Variants in SYT13 observed in about 807,000 individuals in gnomAD.
SYT13 encodes synaptotagmin-13.
SYT13 carries 21 observed loss-of-function variants against 38.6 expected under a neutral mutation model. The ratio of observed to expected loss-of-function variants is 0.54; its 90% CI spans 0.39 to 0.78. The LOEUF (loss-of-function observed/expected upper bound fraction) is 0.78. Ranked by LOEUF, SYT13 falls within the 30% of genes least tolerant of loss-of-function variation. The pLI is 0.00. For missense variants in SYT13, 495 were observed against 548.7 expected (o/e 0.90, Z 0.98); for synonymous variants, 241 against 237.6 (o/e 1.01, Z -0.13).
chr11:45,258,788 G>T (rs748964880), intron 1 of SYT13, among the ~76,000 whole-genome samples: 1 of 152,144 alleles, frequency 6.6e-6, no homozygotes, highest in Non-Finnish European at 1.5e-5. Context: ...GCTTGGGGGA[G>T]TAAAAGTCTG....
chr11:45,252,611 G>T lies in SYT13; in HGVS notation c.656C>A (p.Thr219Asn). 1.2e-6 allele frequency: 2 copies of T among 1,614,162 alleles called. No homozygotes were observed. Among genetic ancestry groups the T allele is most frequent in the Non-Finnish European group, 1.7e-6 (2 of 1,180,008 alleles). Residue 219 changes from threonine to asparagine, a missense_variant, in exon 4 of 6, where the codon ACC (threonine) becomes AAC (asparagine). Transcript: ENST00000020926. This position sits in a 1 kb window ranked among gnomAD's most constrained non-coding sequence, Gnocchi z 4.3. ...GAGCACCAGGCCCTCCTCCCAGGTGGTGTGCAGCTGCCGCTTCTTTAGGGC... is the reference window on the plus strand; with the variant it reads ...GAGCACCAGGCCCTCCTCCCAGGTGTTGTGCAGCTGCCGCTTCTTTAGGGC... ...QTALKKRQLH[T>N]TWEEGLVLPL...
rs959566496 is a variant in SYT13, at chr11:45,286,297, G to A, written c.-90C>T. 1 of 1,395,916 alleles carries A rather than the reference G, an allele frequency of 7.2e-7. No homozygotes were observed. Among genetic ancestry groups the A allele is most frequent in the Non-Finnish European group, 9.4e-7 (1 of 1,067,496 alleles). 86.5% of individuals were successfully genotyped at this position (1,395,916 alleles called of 1,614,324 possible). A position where few individuals can be genotyped will look rare whatever the true frequency, so the allele number is the denominator to read the frequency against. On this transcript the variant is annotated 5_prime_UTR_variant, in exon 1 of 6. Coordinates refer to ENST00000020926, the MANE Select transcript of SYT13 (RefSeq NM_020826.3). ...TCCAGGCAGCTCCCGGGATCCGGGC[G>A]AGCCAGCAGCTCTCCCGCCGCCAGA...
chr11:45,281,362 A>G lies in SYT13; in HGVS notation c.183+4663T>C, dbSNP rs1234448689. Among the ~76,000 whole-genome samples, 3 of 152,012 alleles carry G rather than the reference A, an allele frequency of 2.0e-5. No individual in the cohort carries two copies. The South Asian group carries it at 6.2e-4, about 32-fold the overall frequency. ...CACATGTGACAGTGGGTGGCTGGGG[A>G]TATGGACAGAAGGGGCCTGGGGGCC... On this transcript the variant is annotated intron_variant, in intron 1 of 5. Transcript: ENST00000020926.
chr11:45,252,872 C>A lies in SYT13; in HGVS notation c.545-150G>T. On this transcript the variant is annotated intron_variant, in intron 3 of 5. Coordinates refer to ENST00000020926, the MANE Select transcript of SYT13 (RefSeq NM_020826.3). This position sits in a 1 kb window ranked among gnomAD's most constrained non-coding sequence, Gnocchi z 4.3. ...GACCACCCTGGGCACCAGGGAATCG[C>A]CTTTCAGTGAGACATTTAGAAATAG... 4.3e-6 allele frequency: 3 copies of A among 696,906 alleles called. No individual in the cohort carries two copies. The highest frequency in any genetic ancestry group is 6.7e-6 in the Non-Finnish European group (3 of 446,794). The allele number at this position is 696,906 out of a possible 1,614,324, so 43.2% of individuals were successfully genotyped here. A position where few individuals can be genotyped will look rare whatever the true frequency, so the allele number is the denominator to read the frequency against.
At chr11:45,267,771 G>A (rs796672198) in intron 1 of SYT13, among the ~76,000 whole-genome samples, 134 of 152,252 alleles carry the variant, frequency 8.8e-4, no homozygotes, top group African/African-American at 3.2e-3. Flanking sequence ...GTTATTTCTG[G>A]GAGTGGGAGA....
rs1379792169 is a variant in SYT13, at chr11:45,285,927, G to T, written c.183+98C>A. On this transcript the variant is annotated intron_variant, in intron 1 of 5. Transcript: ENST00000020926. ...TCCCCTCCCCGCCAAGCTTTGTCGCGCAAAGATCCACGACCGCCTCCCACC... is the reference window on the plus strand; with the variant it reads ...TCCCCTCCCCGCCAAGCTTTGTCGCTCAAAGATCCACGACCGCCTCCCACC... The T allele has an allele frequency of 2.7e-6, 4 of 1,490,310 alleles. No homozygotes were observed. In the South Asian group the frequency reaches 3.6e-5, roughly 13 times the overall value. 92.3% of individuals were successfully genotyped at this position (1,490,310 alleles called of 1,614,324 possible). A position where few individuals can be genotyped will look rare whatever the true frequency, so the allele number is the denominator to read the frequency against.
At chr11:45,274,857 C>G (rs1007411146) in intron 1 of SYT13, among the ~76,000 whole-genome samples, 1 of 152,194 alleles carries the variant, frequency 6.6e-6, no homozygotes, top group Non-Finnish European at 1.5e-5. Context: ...TTATAATGCT[C>G]TTCCAAATAA....
At chr11:45,261,663 C>T (rs1854818385) in intron 1 of SYT13, among the ~76,000 whole-genome samples, 1 of 151,706 alleles carries the variant, frequency 6.6e-6, no homozygotes, top group Non-Finnish European at 1.5e-5. Flanking sequence ...TGCCTATAAT[C>T]CCAGCACTTT....
At chr11:45,267,357 A>G (rs1854896473) in intron 1 of SYT13, among the ~76,000 whole-genome samples, 1 of 152,126 alleles carries the variant, frequency 6.6e-6, no homozygotes, top group African/African-American at 2.4e-5. Context: ...ACCACCCACT[A>G]TGCTGCCCCT....
chr11:45,280,685 C>G (rs760332848), intron 1 of SYT13, among the ~76,000 whole-genome samples: 1 of 152,174 alleles, frequency 6.6e-6, no homozygotes, highest in Non-Finnish European at 1.5e-5. Flanking sequence ...CATAAATAAA[C>G]TGTGCTGGCT....
intron 5 of SYT13, 105 bp from the exon 6 acceptor site, chr11:45,244,461 T>C (rs1409280541): frequency 2.2e-6 from 3 of 1,366,580 alleles, no homozygotes; most frequent in Non-Finnish European, 3.0e-6. Flanking sequence ...GCTGGAAAGA[T>C]GCTCAAGAGT....
intron 4 of SYT13, among the ~76,000 whole-genome samples, chr11:45,249,353 G>A (rs532070927): frequency 1.3e-5 from 2 of 152,316 alleles, no homozygotes; most frequent in South Asian, 4.1e-4. Context: ...AATTCCTCAA[G>A]GATCTAGAAC....
intron 1 of SYT13, among the ~76,000 whole-genome samples, chr11:45,260,045 ATT>A (rs1854796701): frequency 6.6e-6 from 1 of 152,216 alleles, no homozygotes; most frequent in South Asian, 2.1e-4. Context: ...AAACTGATGC[ATT>A]GCCTTTTTCA....
At position 45,273,336 on chromosome 11, in the gene SYT13, G is replaced by A. The variant is rs558211920; in HGVS notation, c.183+12689C>T. Among the ~76,000 whole-genome samples, 3 of 152,296 alleles carry A rather than the reference G, an allele frequency of 2.0e-5. No homozygotes were observed. The South Asian group carries it at 6.2e-4, about 32-fold the overall frequency. The stretch of plus-strand genomic sequence containing the variant: ...CCAGGCACCTAGCAGGGAGGGAGCA[G>A]GGGTGATGAAGGCCCCTCACACTCC... On this transcript the variant is annotated intron_variant, in intron 1 of 5. Transcript: ENST00000020926.
In SYT13 at chr11:45,272,647, T is replaced by A. The variant is rs145737484; in HGVS notation, c.183+13378A>T. Among the ~76,000 whole-genome samples the A allele has an allele frequency of 1.3e-3, 202 of 152,334 alleles. 2 individuals are homozygous for A. Among genetic ancestry groups the A allele is most frequent in the East Asian group, 9.1e-3 (47 of 5,190 alleles). ...GCTGACAATCAAACAGTCTACAAAA[T>A]GTCCCAAAATATGATTTGATCATGG... is the stretch of plus-strand genomic sequence containing the variant. On this transcript the variant is annotated intron_variant, in intron 1 of 5. Transcript: ENST00000020926.
intron 1 of SYT13, among the ~76,000 whole-genome samples, chr11:45,272,871 C>T (rs967391363): frequency 6.6e-6 from 1 of 152,148 alleles, no homozygotes; most frequent in African/African-American, 2.4e-5. Context: ...AATGGGAAAA[C>T]GAAAGTGGCT....
intron 1 of SYT13, among the ~76,000 whole-genome samples, chr11:45,256,347 G>A (rs181405362): frequency 2.0e-5 from 3 of 151,754 alleles, no homozygotes; most frequent in Admixed American, 6.6e-5. Context: ...CTCTGATATC[G>A]CCCCCAATCC....
intron 1 of SYT13, among the ~76,000 whole-genome samples, chr11:45,260,263 C>T (rs1565384557): frequency 6.6e-6 from 1 of 152,242 alleles, no homozygotes; most frequent in African/African-American, 2.4e-5. Flanking sequence ...ATGACAGCTA[C>T]ATGAGTCTTT....
At chr11:45,255,028 A>T (rs1036114966) in intron 2 of SYT13, among the ~76,000 whole-genome samples, 3 of 151,984 alleles carry the variant, frequency 2.0e-5, no homozygotes, top group Non-Finnish European at 4.4e-5. Context: ...AGGTGAGAGG[A>T]TCACTGGAGC....
Sources: allele counts gnomAD v4.1 joint callset (sites outside exome capture counted in the v4.1 genomes callset), GRCh38; gene constraint gnomAD v4.1.1; non-coding constraint Gnocchi (gnomAD v3.1); transcripts MANE v1.5; gene names NCBI Gene and HGNC (gene_info 2026-07-23, HGNC 2026-07-21).